The following ZMAT4 variants were observed in gnomAD, a reference collection of about 807,000 sequenced individuals.
The protein encoded by ZMAT4 is zinc finger matrin-type protein 4.
Under a neutral mutation model 28.7 loss-of-function variants are expected in ZMAT4, and 17 were observed. That is an observed-to-expected ratio of 0.59 (90% CI 0.41 to 0.89). The LOEUF (loss-of-function observed/expected upper bound fraction) is 0.89, where lower values mean the gene tolerates loss of function less well. ZMAT4 is among the 40% of genes least tolerant of loss of function. The pLI is 0.00. For synonymous variants in ZMAT4, 117 were observed against 109.2 expected (o/e 1.07, Z -0.44); for missense variants, 240 against 283.8 (o/e 0.85, Z 1.11).
intron 5 of ZMAT4, among the ~76,000 whole-genome samples, chr8:40,586,167 G>A (rs1037880507): frequency 6.6e-6 from 1 of 152,168 alleles, no homozygotes; most frequent in Non-Finnish European, 1.5e-5. Context: ...AGTGTCCTTG[G>A]TGGGAACTGT....
chr8:40,663,585 AC>A (rs1431340240), intron 5 of ZMAT4, among the ~76,000 whole-genome samples: 7 of 152,292 alleles, frequency 4.6e-5, no homozygotes, highest in African/African-American at 1.7e-4. Context: ...CTTCATTCCT[AC>A]CCCAATAATA....
chr8:40,733,679 C>T (rs1432560550), intron 3 of ZMAT4, among the ~76,000 whole-genome samples: 2 of 152,026 alleles, frequency 1.3e-5, no homozygotes, highest in African/African-American at 4.8e-5. Context: ...ATGACATATG[C>T]AGGGATTTCA....
intron 5 of ZMAT4, among the ~76,000 whole-genome samples, chr8:40,592,215 G>A (rs1485164289): frequency 6.6e-6 from 1 of 152,136 alleles, no homozygotes; most frequent in Non-Finnish European, 1.5e-5. Context: ...ACAACAGTTT[G>A]CCATGCCATT....
At chr8:40,652,949 G>A (rs929323748) in intron 5 of ZMAT4, among the ~76,000 whole-genome samples, 1 of 124,976 alleles carries the variant, frequency 8.0e-6, no homozygotes, top group African/African-American at 3.0e-5. Flanking sequence ...GGGGGGAGGG[G>A]TGAGGGATAG....
chr8:40,635,101 T>C (rs945494877), intron 5 of ZMAT4, among the ~76,000 whole-genome samples: 6 of 152,164 alleles, frequency 3.9e-5, no homozygotes, highest in African/African-American at 1.4e-4. Context: ...ACAGTACAGG[T>C]AACTGAATTC....
chr8:40,686,970 G>T (rs115870670), intron 4 of ZMAT4, among the ~76,000 whole-genome samples: 3 of 152,088 alleles, frequency 2.0e-5, no homozygotes, highest in Non-Finnish European at 2.9e-5. Context: ...AGAACATGAG[G>T]CGGGAAAAGT....
chr8:40,700,893 T>A (rs1040305368), intron 3 of ZMAT4, among the ~76,000 whole-genome samples: 2 of 152,358 alleles, frequency 1.3e-5, no homozygotes, highest in Non-Finnish European at 2.9e-5. Context: ...TCTAGGAAAC[T>A]GTCTCATTGA....
intron 5 of ZMAT4, among the ~76,000 whole-genome samples, chr8:40,591,801 T>C (rs1045049250): frequency 1.3e-5 from 2 of 152,182 alleles, no homozygotes; most frequent in Non-Finnish European, 2.9e-5. Context: ...GGGTTGTTAT[T>C]ATCACAGTTA....
rs557799270 is a variant in ZMAT4 at position 40,812,160 on chromosome 8, C to T, written c.102+13415G>A. On this transcript the variant is annotated intron_variant, in intron 2 of 6. Coordinates refer to ENST00000297737, the MANE Select transcript of ZMAT4 (RefSeq NM_024645.3). The stretch of plus-strand genomic sequence containing the variant: ...AACAAAATAAAATAAAAATACATGC[C>T]TACATACACTGTGCCTGATGATATC... Among the ~76,000 whole-genome samples the T allele has an allele frequency of 5.2e-4, 79 of 152,124 alleles. 1 individual carries two copies. In the Middle Eastern group the frequency reaches 0.01, roughly 20 times the overall value.
intron 5 of ZMAT4, among the ~76,000 whole-genome samples, chr8:40,642,473 C>T (rs1413292346): frequency 6.6e-6 from 1 of 152,204 alleles, no homozygotes; most frequent in East Asian, 1.9e-4. Flanking sequence ...ATACTTCAGA[C>T]CATTTGGCTG....
At chr8:40,838,138 T>A (rs990300222) in intron 1 of ZMAT4, among the ~76,000 whole-genome samples, 1 of 152,232 alleles carries the variant, frequency 6.6e-6, no homozygotes, top group Non-Finnish European at 1.5e-5. Context: ...GGCACACATC[T>A]CATCACTCCA....
chr8:40,736,595 C>A (rs1312825300), intron 3 of ZMAT4, among the ~76,000 whole-genome samples: 3 of 152,308 alleles, frequency 2.0e-5, no homozygotes, highest in Non-Finnish European at 2.9e-5. Flanking sequence ...AGCAGAAAAA[C>A]CAGTCACCAA....
chr8:40,533,356 C>G (rs541100962), intron 6 of ZMAT4, among the ~76,000 whole-genome samples: 21 of 152,294 alleles, frequency 1.4e-4, no homozygotes, highest in Admixed American at 1.2e-3. Context: ...TCGCATGCTG[C>G]TGAAGAAGTG....
At chr8:40,848,833 T>A (rs989378512) in intron 1 of ZMAT4, among the ~76,000 whole-genome samples, 1 of 152,222 alleles carries the variant, frequency 6.6e-6, no homozygotes, top group Non-Finnish European at 1.5e-5. Context: ...AATTCTTTAT[T>A]CATTTCCTTC....
chr8:40,762,878 T>A (rs890451231), intron 3 of ZMAT4, among the ~76,000 whole-genome samples: 15 of 152,168 alleles, frequency 9.9e-5, no homozygotes. Context: ...TTGTGGCAAT[T>A]TGTTACAGCA....
chr8:40,713,810 G>A (rs1177422480), intron 3 of ZMAT4, among the ~76,000 whole-genome samples: 3 of 151,128 alleles, frequency 2.0e-5, no homozygotes, highest in Non-Finnish European at 4.4e-5. Context: ...TTGAGAGGCT[G>A]AGGCAGGAGA....
chr8:40,787,167 A>G (rs1047752460), intron 2 of ZMAT4, among the ~76,000 whole-genome samples: 5 of 152,258 alleles, frequency 3.3e-5, no homozygotes, highest in African/African-American at 1.2e-4. Flanking sequence ...CTAAATGCTT[A>G]TAATAGAAAA....
At chr8:40,698,665 A>G (rs1809998937) in intron 3 of ZMAT4, among the ~76,000 whole-genome samples, 1 of 152,222 alleles carries the variant, frequency 6.6e-6, no homozygotes, top group South Asian at 2.1e-4. Flanking sequence ...AGACTGCTAG[A>G]GAGAGTGTTG....
intron 2 of ZMAT4, among the ~76,000 whole-genome samples, chr8:40,795,619 A>G (rs891901941): frequency 6.6e-6 from 1 of 152,156 alleles, no homozygotes; most frequent in Admixed American, 6.5e-5. Flanking sequence ...TCATCAGTGG[A>G]GTGGAGTATT....
Sources: allele counts gnomAD v4.1 joint callset (sites outside exome capture counted in the v4.1 genomes callset), GRCh38; gene constraint gnomAD v4.1.1; transcripts MANE v1.5; gene names NCBI Gene and HGNC (gene_info 2026-07-23, HGNC 2026-07-21).